ATP10B: variants seen among roughly 807,000 people sequenced by gnomAD.
The protein encoded by ATP10B is ATPase phospholipid transporting 10B (putative).
Under a neutral mutation model 141.2 loss-of-function variants are expected in ATP10B, and 122 were observed. That is an observed-to-expected ratio of 0.86 (90% CI 0.75 to 1.00). The LOEUF (loss-of-function observed/expected upper bound fraction) is 1.00. Ranked by LOEUF, ATP10B falls within the 50% of genes least tolerant of loss-of-function variation. The pLI is 0.00. For missense variants in ATP10B, 1,876 were observed against 1,825.3 expected (o/e 1.03, Z -0.51); for synonymous variants, 685 against 692.0 (o/e 0.99, Z 0.16).
At chr5:160,618,992 T>C (rs1307184804) in intron 15 of ATP10B, among the ~76,000 whole-genome samples, 1 of 152,236 alleles carries the variant, frequency 6.6e-6, no homozygotes, top group Non-Finnish European at 1.5e-5. Flanking sequence ...GATTTTTCCA[T>C]GATACTACTC....
chr5:160,576,231 G>A (rs1474922222), intron 24 of ATP10B, among the ~76,000 whole-genome samples: 1 of 152,154 alleles, frequency 6.6e-6, no homozygotes, highest in African/African-American at 2.4e-5. Flanking sequence ...CAGGGGAGAA[G>A]AGTTACTGTG....
In ATP10B at chr5:160,640,458, T is replaced by C. The variant is rs1308562673; in HGVS notation, c.1000+3A>G. The C allele has an allele frequency of 6.2e-7, 1 of 1,613,890 alleles. No homozygotes were observed. Among genetic ancestry groups the C allele is most frequent in the Admixed American group, 1.7e-5 (1 of 59,992 alleles). The stretch of plus-strand genomic sequence containing the variant: ...TCCTTGTTCTTTCCAGAACATCCCA[T>C]ACCTACAGCTCCAATAAGGCACATG... On this transcript the variant is annotated splice_donor_region_variant and intron_variant, in intron 10 of 25. Transcript: ENST00000327245.
At chr5:160,706,034 A>G (rs1764992885) in intron 3 of ATP10B, among the ~76,000 whole-genome samples, 1 of 152,148 alleles carries the variant, frequency 6.6e-6, no homozygotes, top group Non-Finnish European at 1.5e-5. Context: ...GAGATGGGGG[A>G]ACAGCTGGAT....
chr5:160,565,266 G>A lies in ATP10B; in HGVS notation c.*187C>T, dbSNP rs953333349. The stretch of plus-strand genomic sequence containing the variant: ...GCCTGAGAGCAGCAGAAAACTAGAG[G>A]CCGACTGGGTTTCCCGTCTTTGTGT... On this transcript the variant is annotated 3_prime_UTR_variant, in exon 26 of 26. Coordinates refer to ENST00000327245, the MANE Select transcript of ATP10B (RefSeq NM_025153.3). 8.1e-6 allele frequency: 5 copies of A among 614,148 alleles called. No individual in the cohort carries two copies. The African/African-American group carries it at 9.3e-5, about 11-fold the overall frequency. The allele number at this position is 614,148 out of a possible 1,614,324, so 38.0% of individuals were successfully genotyped here. A position where few individuals can be genotyped will look rare whatever the true frequency, so the allele number is the denominator to read the frequency against.
chr5:160,926,991 G>T, the ATP10B span, among the ~76,000 whole-genome samples: 1 of 152,156 alleles, frequency 6.6e-6, no homozygotes. Context: ...TTTGCAAAGG[G>T]CTCACATTAC....
At chr5:160,780,672 A>G (rs1561845826) in intron 2 of ATP10B, among the ~76,000 whole-genome samples, 2 of 152,092 alleles carry the variant, frequency 1.3e-5, no homozygotes, top group African/African-American at 2.4e-5. Flanking sequence ...CTCACCCACA[A>G]GAGAATTTAT....
At chr5:160,721,167 C>T (rs557001249) in intron 2 of ATP10B, among the ~76,000 whole-genome samples, 37 of 152,296 alleles carry the variant, frequency 2.4e-4, no homozygotes, top group African/African-American at 8.7e-4. Flanking sequence ...GATGTCAGAA[C>T]ACCTCGGGGT....
chr5:160,856,135 T>G (rs1581659018), upstream of ATP10B, among the ~76,000 whole-genome samples: 1 of 152,052 alleles, frequency 6.6e-6, no homozygotes, highest in East Asian at 1.9e-4. Flanking sequence ...TGATAGTGAT[T>G]GTATTAAATT....
chr5:160,616,040 G>A (rs1230076856), intron 16 of ATP10B, 76 bp from the exon 17 acceptor site: 27 of 1,525,904 alleles, frequency 1.8e-5, no homozygotes, highest in Admixed American at 7.4e-5. Context: ...CCCACCTGCT[G>A]GGTCTCCTAT....
chr5:160,741,778 G>C (rs1054988499), intron 2 of ATP10B, among the ~76,000 whole-genome samples: 1 of 152,140 alleles, frequency 6.6e-6, no homozygotes, highest in Admixed American at 6.5e-5. Flanking sequence ...TTAATAATTA[G>C]GGACAGATCT....
chr5:160,909,067 C>T, the ATP10B span, among the ~76,000 whole-genome samples: 1 of 152,140 alleles, frequency 6.6e-6, no homozygotes, highest in Non-Finnish European at 1.5e-5. Context: ...ATGGCACCTG[C>T]TCACCTTAAG....
At chr5:160,879,396 G>A in the ATP10B span, among the ~76,000 whole-genome samples, 1 of 110,578 alleles carries the variant, frequency 9.0e-6, no homozygotes, top group African/African-American at 3.6e-5. Flanking sequence ...TGGGGTGGGG[G>A]GAGGGGGGAG....
chr5:160,861,630 C>T, the ATP10B span, among the ~76,000 whole-genome samples: 1 of 151,786 alleles, frequency 6.6e-6, no homozygotes, highest in Admixed American at 6.6e-5. Flanking sequence ...CAGTAGAAGA[C>T]ATTCATAATT....
chr5:160,567,697 G>T (rs550848485), intron 25 of ATP10B, among the ~76,000 whole-genome samples: 15 of 152,148 alleles, frequency 9.9e-5, no homozygotes, highest in African/African-American at 1.4e-4. Flanking sequence ...TAAGAGTAGG[G>T]GAATATGTCC....
chr5:160,687,670 TG>T, intron 5 of ATP10B, 129 bp downstream of exon 5: 2 of 1,079,222 alleles, frequency 1.9e-6, no homozygotes, highest in Non-Finnish European at 2.7e-6. Context: ...GAGGCTGAGG[TG>T]GGAGATTCCC....
the ATP10B span, among the ~76,000 whole-genome samples, chr5:160,864,828 AAAAAT>A: frequency 2.0e-5 from 3 of 152,036 alleles, no homozygotes; most frequent in African/African-American, 7.2e-5. Flanking sequence ...ACAGCTGCAA[AAAAAT>A]AAAATAAAAT....
At chr5:160,928,839 A>T in the ATP10B span, among the ~76,000 whole-genome samples, 1 of 152,224 alleles carries the variant, frequency 6.6e-6, no homozygotes, top group Non-Finnish European at 1.5e-5. Flanking sequence ...TAGACTGTCC[A>T]GACAGGCAAC....
chr5:160,567,628 G>A (rs1754623555), intron 25 of ATP10B, among the ~76,000 whole-genome samples: 1 of 152,124 alleles, frequency 6.6e-6, no homozygotes, highest in Non-Finnish European at 1.5e-5. Context: ...ATAGGAGGTA[G>A]CCATGCCAAA....
At chr5:160,781,674 CATAACAGAACCCAT>C (rs1561846803) in intron 2 of ATP10B, among the ~76,000 whole-genome samples, 1 of 152,158 alleles carries the variant, frequency 6.6e-6, no homozygotes, top group African/African-American at 2.4e-5. Context: ...ACTGGCACAA[CATAACAGAACCCAT>C]CCATTTTGCA....
Sources: gnomAD v4.1 joint callset for allele counts (sites outside exome capture counted in the v4.1 genomes callset) on GRCh38, gnomAD v4.1.1 for gene constraint, MANE v1.5 for transcripts, NCBI Gene and HGNC (gene_info 2026-07-23, HGNC 2026-07-21) for gene names.